Variants in RIMS2 observed in about 807,000 individuals in gnomAD.
RIMS2 encodes regulating synaptic membrane exocytosis 2.
Under a neutral mutation model 174.4 loss-of-function variants are expected in RIMS2, and 59 were observed. The observed-to-expected ratio is 0.34, with a 90% CI of 0.27 to 0.42. RIMS2 has a LOEUF of 0.42. RIMS2 is among the 10% of genes least tolerant of loss of function. The pLI, the probability that RIMS2 is intolerant of heterozygous loss-of-function variation, is 1.00. For missense variants in RIMS2, 1,620 were observed against 1,666.3 expected, an observed-to-expected ratio of 0.97 and a Z score of 0.48; for synonymous variants, 606 against 572.5, an observed-to-expected ratio of 1.06 and a Z score of -0.84.
intron 19 of RIMS2, among the ~76,000 whole-genome samples, chr8:104,118,539 T>C (rs1055159902): frequency 1.3e-5 from 2 of 151,958 alleles, no homozygotes; most frequent in Non-Finnish European, 1.5e-5. Context: ...ATGTGCCAGT[T>C]TGTATTTTTA....
At chr8:104,008,249 G>A (rs886318281) in intron 17 of RIMS2, among the ~76,000 whole-genome samples, 2 of 151,900 alleles carry the variant, frequency 1.3e-5, no homozygotes, top group African/African-American at 4.8e-5. Context: ...CACTGAATAT[G>A]GGAACCTATT....
chr8:104,182,963 C>G (rs1316790689), intron 19 of RIMS2, among the ~76,000 whole-genome samples: 2 of 151,446 alleles, frequency 1.3e-5, no homozygotes, highest in African/African-American at 4.8e-5. Flanking sequence ...TTCCAGTGAT[C>G]CAGCTAAAAG....
intron 4 of RIMS2, among the ~76,000 whole-genome samples, chr8:103,895,541 A>G (rs1392431860): frequency 2.6e-5 from 4 of 151,584 alleles, no homozygotes; most frequent in Non-Finnish European, 4.4e-5. Flanking sequence ...CTTCACCTCA[A>G]AAACTATTGT....
chr8:104,067,379 A>T (rs892092480), intron 19 of RIMS2, among the ~76,000 whole-genome samples: 1 of 152,150 alleles, frequency 6.6e-6, no homozygotes. Context: ...ATATTCCTAT[A>T]ACTTTCCTTT....
intron 16 of RIMS2, among the ~76,000 whole-genome samples, chr8:103,986,381 G>A (rs1324508572): frequency 1.3e-5 from 2 of 152,080 alleles, no homozygotes; most frequent in Non-Finnish European, 2.9e-5. Flanking sequence ...GTAAGAAAAA[G>A]AAGTGAAAGA....
chr8:103,876,905 T>TACAC (rs201317388), intron 3 of RIMS2, among the ~76,000 whole-genome samples: 16 of 61,496 alleles, frequency 2.6e-4, no homozygotes, highest in South Asian at 5.1e-4. Context: ...TATATATATA[T>TACAC]ATATACACAC....
At chr8:103,931,268 A>G (rs1209985599) in exon 12 of RIMS2, 40 of 1,593,836 alleles carry the variant, frequency 2.5e-5, no homozygotes, top group Middle Eastern at 1.7e-4. Context: ...TTCAGATAAA[A>G]CTATGGTTTG....
chr8:103,671,015 G>T (rs1282723139), intron 1 of RIMS2, among the ~76,000 whole-genome samples: 1 of 152,146 alleles, frequency 6.6e-6, no homozygotes, highest in South Asian at 2.1e-4. Context: ...AAGGAAAGAG[G>T]TTTAATGGAC....
intron 4 of RIMS2, among the ~76,000 whole-genome samples, chr8:103,904,720 A>G (rs752552231): frequency 6.6e-6 from 1 of 152,052 alleles, no homozygotes; most frequent in Non-Finnish European, 1.5e-5. Flanking sequence ...CTATGTTTAT[A>G]ATCATGAACA....
chr8:103,595,739 G>C (rs942006299), intron 1 of RIMS2, among the ~76,000 whole-genome samples: 1 of 151,948 alleles, frequency 6.6e-6, no homozygotes, highest in Non-Finnish European at 1.5e-5. Flanking sequence ...CAATGGAAGA[G>C]ATGTAGTTGT....
intron 19 of RIMS2, among the ~76,000 whole-genome samples, chr8:104,085,318 A>G (rs1045325454): frequency 8.5e-5 from 13 of 152,186 alleles, no homozygotes; most frequent in African/African-American, 3.1e-4. Context: ...TTGAACTCCA[A>G]TAAGAAAGAA....
chr8:103,695,721 G>A (rs1000257379), intron 1 of RIMS2, among the ~76,000 whole-genome samples: 9 of 151,340 alleles, frequency 5.9e-5, no homozygotes, highest in Non-Finnish European at 1.3e-4. Context: ...ATCCTGGGTT[G>A]ACAGTTTTTT....
chr8:104,070,754 G>A (rs1246520039), intron 19 of RIMS2, among the ~76,000 whole-genome samples: 1 of 152,106 alleles, frequency 6.6e-6, no homozygotes, highest in Non-Finnish European at 1.5e-5. Context: ...AAGGAATGTA[G>A]ATGATTTATA....
chr8:104,188,273 G>GATAGATA (rs60940097), intron 19 of RIMS2, among the ~76,000 whole-genome samples: 11,604 of 130,550 alleles, frequency 0.089, 594 homozygotes, highest in South Asian at 0.12. Flanking sequence ...ATAGATAGAT[G>GATAGATA]GATGAAGTAT....
At chr8:103,807,702 T>C (rs923510124) in intron 3 of RIMS2, among the ~76,000 whole-genome samples, 4 of 152,078 alleles carry the variant, frequency 2.6e-5, no homozygotes, top group African/African-American at 9.7e-5. Context: ...ATAAACTAGG[T>C]ATTTTATGGA....
At chr8:103,640,430 T>C (rs1483235494) in intron 1 of RIMS2, among the ~76,000 whole-genome samples, 1 of 152,006 alleles carries the variant, frequency 6.6e-6, no homozygotes, top group Non-Finnish European at 1.5e-5. Context: ...AGATTTTATT[T>C]TCTTTTTCTA....
intron 19 of RIMS2, among the ~76,000 whole-genome samples, chr8:104,037,491 G>A (rs1280144959): frequency 6.6e-6 from 1 of 152,126 alleles, no homozygotes; most frequent in African/African-American, 2.4e-5. Flanking sequence ...TGTAAATGGT[G>A]GTAAGTGAGA....
intron 2 of RIMS2, among the ~76,000 whole-genome samples, chr8:103,733,858 A>G (rs1353868599): frequency 6.6e-6 from 1 of 151,754 alleles, no homozygotes; most frequent in Non-Finnish European, 1.5e-5. Flanking sequence ...TTTTCTTAAT[A>G]TGTTGTTTAA....
At chr8:103,798,445 G>A (rs902031520) in intron 3 of RIMS2, among the ~76,000 whole-genome samples, 2 of 152,056 alleles carry the variant, frequency 1.3e-5, no homozygotes, top group Non-Finnish European at 2.9e-5. Context: ...CAGCAAGTTT[G>A]TATAGTATAG....
Sources: allele counts gnomAD v4.1 joint callset (sites outside exome capture counted in the v4.1 genomes callset), GRCh38; gene constraint gnomAD v4.1.1; transcripts MANE v1.5; gene names NCBI Gene and HGNC (gene_info 2026-07-23, HGNC 2026-07-21).